Variants in MAP4K3 observed in about 807,000 individuals in gnomAD.
MAP4K3 encodes mitogen-activated protein kinase kinase kinase kinase 3.
Under a neutral mutation model 143.5 loss-of-function variants are expected in MAP4K3, and 94 were observed. That is an observed-to-expected ratio of 0.65 (90% CI 0.55 to 0.78). MAP4K3 has a LOEUF of 0.78. Among genes scored for constraint, MAP4K3 ranks in the 30% least tolerant of loss-of-function variants. The pLI is 0.00. For missense variants in MAP4K3, 1,077 were observed against 1,068.1 expected, an observed-to-expected ratio of 1.01 and a Z score of -0.12; for synonymous variants, 416 against 347.2, an observed-to-expected ratio of 1.20 and a Z score of -2.20.
chr2:39,415,930 G>A (rs562649091), intron 1 of MAP4K3, among the ~76,000 whole-genome samples: 127 of 107,112 alleles, frequency 1.2e-3, no homozygotes, highest in Non-Finnish European at 1.8e-3. Flanking sequence ...TCCAGTCTGG[G>A]CGAGAGAGCA....
intron 21 of MAP4K3, chr2:39,283,591 A>G (rs1212822852): frequency 6.6e-6 from 1 of 152,120 alleles, no homozygotes; most frequent in African/African-American, 2.4e-5. Context: ...CACCATGTTT[A>G]CAATGAGTTT....
intron 2 of MAP4K3, among the ~76,000 whole-genome samples, chr2:39,372,515 G>A (rs566541375): frequency 4.5e-4 from 68 of 149,600 alleles, no homozygotes; most frequent in Non-Finnish European, 6.4e-4. Flanking sequence ...AGAAACTGTA[G>A]GAATCACATT....
chr2:39,291,213 G>A (rs984249990), intron 18 of MAP4K3, among the ~76,000 whole-genome samples: 1 of 152,180 alleles, frequency 6.6e-6, no homozygotes, highest in Non-Finnish European at 1.5e-5. Context: ...TACATTATAT[G>A]TATCAAAACG....
chr2:39,364,443 T>C (rs372065799), intron 2 of MAP4K3, among the ~76,000 whole-genome samples: 112 of 152,320 alleles, frequency 7.4e-4, no homozygotes, highest in African/African-American at 2.5e-3. Flanking sequence ...CTCTAAAATA[T>C]TTGAAGAGAT....
chr2:39,297,640 CCTGATCACCTATGGA>C (rs1368395052), intron 16 of MAP4K3, among the ~76,000 whole-genome samples: 1 of 152,172 alleles, frequency 6.6e-6, no homozygotes, highest in African/African-American at 2.4e-5. Context: ...AATCTGTCTG[CCTGATCACCTATGGA>C]GAAAGCAGGA....
intron 1 of MAP4K3, among the ~76,000 whole-genome samples, chr2:39,407,204 A>AAG (rs1667120110): frequency 6.6e-6 from 1 of 152,168 alleles, no homozygotes; most frequent in Non-Finnish European, 1.5e-5. Context: ...ACAGGAAATA[A>AAG]AGAGAACTGT....
At position 39,437,201 on chromosome 2, in the gene MAP4K3, C is replaced by G; in HGVS notation, c.-214G>C. ...AATCGTCCCCGCCCCCCGCGGCCCG[C>G]CGCCGCGCCGAACCTGGTCACACCC... On this transcript the variant is annotated 5_prime_UTR_variant, in exon 1 of 34. Coordinates refer to ENST00000263881, the MANE Select transcript of MAP4K3 (RefSeq NM_003618.4). 3.0e-6 allele frequency: 1 copy of G among 334,086 alleles called. No homozygotes were observed. Among genetic ancestry groups the G allele is most frequent in the Non-Finnish European group, 5.3e-6 (1 of 187,426 alleles). The allele number at this position is 334,086 out of a possible 1,614,324, so 20.7% of individuals were successfully genotyped here.
At chr2:39,431,282 G>T (rs1056471117) in intron 1 of MAP4K3, among the ~76,000 whole-genome samples, 4 of 152,230 alleles carry the variant, frequency 2.6e-5, no homozygotes, top group African/African-American at 7.2e-5. Flanking sequence ...CAGGGAGCCA[G>T]GGAGTCATCA....
chr2:39,390,955 A>C (rs780477821), intron 1 of MAP4K3, among the ~76,000 whole-genome samples: 1 of 152,132 alleles, frequency 6.6e-6, no homozygotes, highest in South Asian at 2.1e-4. Context: ...TTATTCACCA[A>C]TTTCTAACAT....
intron 2 of MAP4K3, among the ~76,000 whole-genome samples, chr2:39,376,996 T>C (rs570612766): frequency 2.0e-5 from 3 of 152,164 alleles, no homozygotes; most frequent in Non-Finnish European, 4.4e-5. Flanking sequence ...TAAATATGTA[T>C]AACTGGAAAA....
chr2:39,310,180 C>T (rs2148499918), intron 13 of MAP4K3, among the ~76,000 whole-genome samples: 1 of 152,322 alleles, frequency 6.6e-6, no homozygotes, highest in East Asian at 1.9e-4. Context: ...TACTCTGCTA[C>T]TGAACACTAG....
At chr2:39,287,418 C>T (rs1453556563) in intron 20 of MAP4K3, among the ~76,000 whole-genome samples, 1 of 151,548 alleles carries the variant, frequency 6.6e-6, no homozygotes, top group African/African-American at 2.4e-5. Context: ...CTGCCTTAGT[C>T]TCCCAAGTAG....
At chr2:39,436,686 CA>C (rs1008055859) in intron 1 of MAP4K3, 20 of 565,194 alleles carry the variant, frequency 3.5e-5, no homozygotes, top group Non-Finnish European at 9.4e-6. Context: ...CGGGGGGGCT[CA>C]GGTAAGGGCT....
intron 12 of MAP4K3, chr2:39,315,615 A>G (rs983894732): frequency 2.1e-6 from 1 of 477,680 alleles, no homozygotes; most frequent in East Asian, 3.8e-5. Flanking sequence ...TTTGTACTAG[A>G]AAGGGCACTT....
At chr2:39,354,026 C>A (rs1573188878) in intron 3 of MAP4K3, among the ~76,000 whole-genome samples, 1 of 152,270 alleles carries the variant, frequency 6.6e-6, no homozygotes, top group Admixed American at 6.5e-5. Flanking sequence ...TACGATTTGT[C>A]TCTGGCAAAA....
At chr2:39,272,582 A>C (rs572111723) in intron 24 of MAP4K3, 40 bp from the exon 25 acceptor site, 132 of 1,508,580 alleles carry the variant, frequency 8.7e-5, no homozygotes, top group Non-Finnish European at 1.2e-4. Flanking sequence ...AGAATAATAC[A>C]TAATGGCAAT....
intron 8 of MAP4K3, among the ~76,000 whole-genome samples, chr2:39,330,061 G>A (rs962524072): frequency 3.3e-5 from 5 of 152,068 alleles, no homozygotes; most frequent in African/African-American, 1.2e-4. Flanking sequence ...CAACCAGTGA[G>A]TTCCATAGAG....
rs749735679 is a variant in MAP4K3 at position 39,265,311 on chromosome 2, C to CA, written c.2033-6dup. The CA allele has an allele frequency of 7.1e-6, 11 of 1,548,244 alleles. No individual in the cohort carries two copies. In the East Asian group the frequency reaches 2.2e-4, roughly 32 times the overall value. On this transcript the variant is annotated splice_polypyrimidine_tract_variant and splice_region_variant and intron_variant, in intron 27 of 33. Coordinates refer to ENST00000263881, the MANE Select transcript of MAP4K3 (RefSeq NM_003618.4). Reference sequence around the variant, plus strand: ...GGCCCGTGTAAGGATTTCTTACTGTCAAAGCAAAAATATAAATGAGTTCTC... The same window carrying CA: ...GGCCCGTGTAAGGATTTCTTACTGTCAAAAGCAAAAATATAAATGAGTTCTC...
intron 3 of MAP4K3, among the ~76,000 whole-genome samples, chr2:39,351,604 T>TA (rs1259629448): frequency 2.0e-5 from 3 of 152,226 alleles, no homozygotes; most frequent in Non-Finnish European, 4.4e-5. Flanking sequence ...GTGATTTACT[T>TA]ATTTAAGTTG....
Sources: gnomAD v4.1 joint callset for allele counts (sites outside exome capture counted in the v4.1 genomes callset) on GRCh38, gnomAD v4.1.1 for gene constraint, MANE v1.5 for transcripts, NCBI Gene and HGNC (gene_info 2026-07-23, HGNC 2026-07-21) for gene names.